The following ATP2B1 variants were observed in gnomAD, a reference collection of about 807,000 sequenced individuals.
ATP2B1 encodes plasma membrane calcium-transporting ATPase 1.
Under a neutral mutation model 124.2 loss-of-function variants are expected in ATP2B1, and 14 were observed. The ratio of observed to expected loss-of-function variants is 0.11; its 90% CI spans 0.07 to 0.18. The LOEUF (loss-of-function observed/expected upper bound fraction) is 0.18. ATP2B1 is among the 10% of genes least tolerant of loss of function. The pLI, the probability that ATP2B1 is intolerant of heterozygous loss-of-function variation, is 1.00. For synonymous variants in ATP2B1, 449 were observed against 492.4 expected (o/e 0.91, Z 1.17); for missense variants, 763 against 1,466.1 (o/e 0.52, Z 7.83).
intron 2 of ATP2B1, among the ~76,000 whole-genome samples, chr12:89,651,676 A>G (rs1172307442): frequency 2.0e-5 from 3 of 152,156 alleles, no homozygotes; most frequent in Non-Finnish European, 4.4e-5. Context: ...ATTACTATAG[A>G]GAAGAGGGAA....
intron 6 of ATP2B1, among the ~76,000 whole-genome samples, chr12:89,629,393 A>T (rs1881480413): frequency 6.6e-6 from 1 of 152,216 alleles, no homozygotes; most frequent in African/African-American, 2.4e-5. Flanking sequence ...TGGAATCATT[A>T]CTGTGCTGGT....
chr12:89,665,457 ATTCTATTG>A (rs1418363885), intron 1 of ATP2B1, among the ~76,000 whole-genome samples: 1 of 152,144 alleles, frequency 6.6e-6, no homozygotes, highest in African/African-American at 2.4e-5. Context: ...GTTTTCTCCT[ATTCTATTG>A]TTCTATTTAG....
In ATP2B1 at chr12:89,656,071, G is replaced by T; in HGVS notation, c.-185C>A. 1 of 560,692 alleles carries T rather than the reference G, an allele frequency of 1.8e-6. No individual in the cohort carries two copies. The highest frequency in any genetic ancestry group is 3.0e-6 in the Non-Finnish European group (1 of 328,206). The allele number at this position is 560,692 out of a possible 1,614,324, so 34.7% of individuals were successfully genotyped here. A position where few individuals can be genotyped will look rare whatever the true frequency, so the allele number is the denominator to read the frequency against. ...AGAAGTATCTTGACCTTTGGCCCAT[G>T]ACTAGTTTCTCCATATCAATCATGA... On this transcript the variant is annotated 5_prime_UTR_variant, in exon 2 of 21. Transcript: ENST00000428670.
At chr12:89,647,191 T>G (rs568923845) in intron 2 of ATP2B1, among the ~76,000 whole-genome samples, 18 of 152,344 alleles carry the variant, frequency 1.2e-4, no homozygotes, top group African/African-American at 4.3e-4. Context: ...TTAATTGTAG[T>G]GTAGTGGCAA....
At chr12:89,677,039 A>ACCACC (rs1402447936) in intron 1 of ATP2B1, among the ~76,000 whole-genome samples, 2 of 94,058 alleles carry the variant, frequency 2.1e-5, no homozygotes, top group Admixed American at 1.4e-4. Context: ...CACCACCACC[A>ACCACC]AACAAAGAAA....
intron 9 of ATP2B1, among the ~76,000 whole-genome samples, chr12:89,622,665 A>C (rs1288707807): frequency 1.3e-5 from 2 of 152,152 alleles, no homozygotes; most frequent in Non-Finnish European, 2.9e-5. Context: ...TTCCTAAATT[A>C]CTTGTGATTT....
At chr12:89,669,877 T>C (rs1292344737) in intron 1 of ATP2B1, among the ~76,000 whole-genome samples, 1 of 152,206 alleles carries the variant, frequency 6.6e-6, no homozygotes, top group African/African-American at 2.4e-5. Flanking sequence ...TGTCCTTATA[T>C]ATGACATCAA....
chr12:89,591,030 G>C lies in ATP2B1; in HGVS notation c.3617C>G (p.Ser1206Cys). 1.2e-6 allele frequency: 2 copies of C among 1,613,130 alleles called. No individual in the cohort carries two copies. The highest frequency in any genetic ancestry group is 1.7e-6 in the Non-Finnish European group (2 of 1,179,294). Residue 1206 changes from serine to cysteine, a missense_variant, in exon 21 of 21, where the codon TCT becomes TGT. Transcript: ENST00000428670. ...ATGTAGTGGGCTTCCTGGGGATGAA[G>C]AGGTAGCAGACTTGTTCATTTCTAT... ...LTIEMNKSAT[S>C]SSPGSPLHSL... is the part of the protein sequence containing the mutation.
At chr12:89,617,985 C>A (rs1470371201) in intron 11 of ATP2B1, among the ~76,000 whole-genome samples, 1 of 152,150 alleles carries the variant, frequency 6.6e-6, no homozygotes, top group Non-Finnish European at 1.5e-5. Context: ...TGTGTCCACT[C>A]CTTTTTATTT....
In ATP2B1 at chr12:89,636,777, C is replaced by T. The variant is rs371418046; in HGVS notation, c.407-1526G>A. Among the ~76,000 whole-genome samples, 6 of 152,262 alleles carry T rather than the reference C, an allele frequency of 3.9e-5. No homozygotes were observed. The East Asian group carries it at 1.2e-3, about 29-fold the overall frequency. ...TATCCTGAGAACCACCAGCAGGATT[C>T]AACTGTGAGGTACAAGCAGGATAAT... On this transcript the variant is annotated intron_variant, in intron 3 of 20. Coordinates refer to ENST00000428670, the MANE Select transcript of ATP2B1 (RefSeq NM_001366521.1).
intron 3 of ATP2B1, among the ~76,000 whole-genome samples, chr12:89,640,619 T>G (rs1883357629): frequency 3.1e-5 from 3 of 95,304 alleles, no homozygotes; most frequent in Admixed American, 1.3e-4. Flanking sequence ...TTGATAGAGT[T>G]TGGATGTTTT....
chr12:89,608,418 C>T lies in ATP2B1; in HGVS notation c.2442+1519G>A, dbSNP rs192113083. ...CTTGAACACCTGACCTTATGTGATC[C>T]GCCCGCCTCAGCCTCCCAAAGTGCT... is the stretch of plus-strand genomic sequence containing the variant. On this transcript the variant is annotated intron_variant, in intron 15 of 20. Transcript: ENST00000428670. 2.0e-4 allele frequency among the ~76,000 whole-genome samples: 31 copies of T among 151,714 alleles called. No homozygotes were observed. In the East Asian group the frequency reaches 2.7e-3, roughly 13 times the overall value.
Position 89,642,219 on chromosome 12 carries a change from T to A in ATP2B1, c.345A>T (p.Glu115Asp). The A allele has an allele frequency of 6.2e-7, 1 of 1,613,886 alleles. No individual in the cohort carries two copies. Among genetic ancestry groups the A allele is most frequent in the South Asian group, 1.1e-5 (1 of 91,084 alleles). ...GGCCCAATGATACTATGGCTGCAATTTCTAATATAATTAAAGTGACATCTT... is the reference window on the plus strand; with the variant it reads ...GGCCCAATGATACTATGGCTGCAATATCTAATATAATTAAAGTGACATCTT... Reference protein sequence around the residue: ...ALQDVTLIILEIAAIVSLGLS... With the variant: ...ALQDVTLIILDIAAIVSLGLS... Residue 115 changes from glutamate (E) to aspartate (D), a missense_variant, in exon 3 of 21, where the codon GAA becomes GAT. Glu to Asp is a conservative substitution (Grantham distance 45). Coordinates refer to ENST00000428670, the MANE Select transcript of ATP2B1 (RefSeq NM_001366521.1).
At chr12:89,601,835 A>C (rs1442884999) in intron 18 of ATP2B1, among the ~76,000 whole-genome samples, 1 of 152,174 alleles carries the variant, frequency 6.6e-6, no homozygotes, top group Non-Finnish European at 1.5e-5. Context: ...CTTTCTCAAA[A>C]TATAGTACTC....
rs938270448 is a variant in ATP2B1 at position 89,644,103 on chromosome 12, T to C, written c.209-1748A>G. Among the ~76,000 whole-genome samples, 39 of 152,026 alleles carry C rather than the reference T, an allele frequency of 2.6e-4. 1 individual carries two copies. Among genetic ancestry groups the C allele is most frequent in the African/African-American group, 8.4e-4 (35 of 41,450 alleles). On this transcript the variant is annotated intron_variant, in intron 2 of 20. Coordinates refer to ENST00000428670, the MANE Select transcript of ATP2B1 (RefSeq NM_001366521.1). ...CACCACTGAACTCCAGCCTGGGGGA[T>C]AGAGCAAGACTCTGTTTCCGAAAAA...
At chr12:89,681,908 G>C (rs745426838) in intron 1 of ATP2B1, among the ~76,000 whole-genome samples, 3 of 152,048 alleles carry the variant, frequency 2.0e-5, no homozygotes, top group Non-Finnish European at 4.4e-5. Flanking sequence ...AAAGATACCA[G>C]TGAAGAATTA....
At chr12:89,642,122 G>A in intron 3 of ATP2B1, 36 bp downstream of exon 3, 1 of 1,553,904 alleles carries the variant, frequency 6.4e-7, no homozygotes, top group East Asian at 2.2e-5. Flanking sequence ...AGCTGAACTA[G>A]CATCAGACAT....
intron 1 of ATP2B1, among the ~76,000 whole-genome samples, chr12:89,656,598 C>T (rs1287940893): frequency 6.6e-6 from 1 of 152,142 alleles, no homozygotes; most frequent in African/African-American, 2.4e-5. Flanking sequence ...TCTCTCTCTC[C>T]AAGTCTTTCA....
At chr12:89,652,999 G>A (rs947673983) in intron 2 of ATP2B1, among the ~76,000 whole-genome samples, 3 of 152,126 alleles carry the variant, frequency 2.0e-5, no homozygotes, top group African/African-American at 4.8e-5. Context: ...AAAGTGTTGG[G>A]ATTACAGGTG....
Sources: gnomAD v4.1 joint callset for allele counts (sites outside exome capture counted in the v4.1 genomes callset) on GRCh38, gnomAD v4.1.1 for gene constraint, MANE v1.5 for transcripts, NCBI Gene and HGNC (gene_info 2026-07-23, HGNC 2026-07-21) for gene names.